NDUFS4: variants seen among roughly 807,000 people sequenced by gnomAD.
NDUFS4 encodes the protein NADH dehydrogenase [ubiquinone] iron-sulfur protein 4, mitochondrial.
NDUFS4 carries 28 observed loss-of-function variants against 24.3 expected under a neutral mutation model. The ratio of observed to expected loss-of-function variants is 1.15; its 90% CI spans 0.85 to 1.58. The LOEUF (loss-of-function observed/expected upper bound fraction) is 1.58, where lower values mean the gene tolerates loss of function less well. Ranked by LOEUF, NDUFS4 falls within the 40% of genes most tolerant of loss-of-function variation. NDUFS4 has a pLI of 0.00. For synonymous variants in NDUFS4, 93 were observed against 69.7 expected (o/e 1.34, Z -1.67); for missense variants, 223 against 207.9 (o/e 1.07, Z -0.45).
At chr5:53,631,166 C>G (rs1751398514) in intron 2 of NDUFS4, among the ~76,000 whole-genome samples, 1 of 152,184 alleles carries the variant, frequency 6.6e-6, no homozygotes, top group African/African-American at 2.4e-5. Flanking sequence ...TTGGAGTTTG[C>G]TGGAGGTCCA....
intron 1 of NDUFS4, among the ~76,000 whole-genome samples, chr5:53,571,954 A>C (rs776469749): frequency 4.6e-5 from 7 of 152,234 alleles, no homozygotes; most frequent in African/African-American, 9.6e-5. Context: ...GAAAAAATAT[A>C]TCTCTCTAGG....
At chr5:53,584,053 T>A (rs1157848014) in intron 1 of NDUFS4, among the ~76,000 whole-genome samples, 1 of 152,236 alleles carries the variant, frequency 6.6e-6, no homozygotes, top group Non-Finnish European at 1.5e-5. Context: ...ACAGTCCTGC[T>A]GCATCTCACT....
At chr5:53,613,380 C>T (rs1579873555) in intron 2 of NDUFS4, among the ~76,000 whole-genome samples, 2 of 152,082 alleles carry the variant, frequency 1.3e-5, no homozygotes, top group Middle Eastern at 3.4e-3. Context: ...TTTCATTTTA[C>T]ATCAAAGAAT....
intron 2 of NDUFS4, among the ~76,000 whole-genome samples, chr5:53,614,685 A>G (rs982027891): frequency 7.9e-5 from 12 of 152,138 alleles, no homozygotes; most frequent in Admixed American, 2.6e-4. Context: ...GTGCTGTATA[A>G]CAGTTCTCCA....
chr5:53,591,780 G>T (rs1294863491), intron 1 of NDUFS4, among the ~76,000 whole-genome samples: 2 of 152,124 alleles, frequency 1.3e-5, no homozygotes, highest in African/African-American at 4.8e-5. Context: ...TAGGTGTGTA[G>T]CACTGTCATT....
At chr5:53,604,796 C>T in intron 2 of NDUFS4, 1 of 456,252 alleles carries the variant, frequency 2.2e-6, no homozygotes, top group Non-Finnish European at 4.4e-6. Context: ...TACTCTTTTT[C>T]CTGCTTCAAG....
At chr5:53,651,155 G>A (rs963062782) in intron 3 of NDUFS4, among the ~76,000 whole-genome samples, 17 of 151,908 alleles carry the variant, frequency 1.1e-4, no homozygotes, top group Non-Finnish European at 2.1e-4. Flanking sequence ...TTGTTCTGGT[G>A]TTAACAACCA....
At chr5:53,578,230 G>A (rs1749447150) in intron 1 of NDUFS4, among the ~76,000 whole-genome samples, 1 of 152,128 alleles carries the variant, frequency 6.6e-6, no homozygotes, top group South Asian at 2.1e-4. Context: ...GAAGTCCATG[G>A]TTTATGTCTG....
intron 2 of NDUFS4, among the ~76,000 whole-genome samples, chr5:53,642,621 T>G (rs1751736507): frequency 6.6e-6 from 1 of 152,020 alleles, no homozygotes; most frequent in Admixed American, 6.6e-5. Flanking sequence ...AAAAAAAAAG[T>G]TGAAATCACA....
At chr5:53,593,950 TA>T (rs1750053951) in intron 1 of NDUFS4, among the ~76,000 whole-genome samples, 1 of 152,118 alleles carries the variant, frequency 6.6e-6, no homozygotes, top group African/African-American at 2.4e-5. Context: ...AGGTATGTTT[TA>T]TGTCCCAGAA....
At chr5:53,664,915 A>G (rs981206063) in intron 4 of NDUFS4, among the ~76,000 whole-genome samples, 1 of 151,948 alleles carries the variant, frequency 6.6e-6, no homozygotes, top group Non-Finnish European at 1.5e-5. Flanking sequence ...TGATTTTTAG[A>G]GTTTCCAGTA....
intron 1 of NDUFS4, among the ~76,000 whole-genome samples, chr5:53,581,998 T>G (rs1192098861): frequency 6.6e-6 from 1 of 151,912 alleles, no homozygotes; most frequent in Non-Finnish European, 1.5e-5. Flanking sequence ...GATCATGAGG[T>G]CAGGAGATTG....
chr5:53,605,675 C>T lies in NDUFS4; in HGVS notation c.177+2145C>T, dbSNP rs79844526. On this transcript the variant is annotated intron_variant, in intron 2 of 4. Coordinates refer to ENST00000296684, the MANE Select transcript of NDUFS4 (RefSeq NM_002495.4). ...AGGACTCCCCTCAAGTACCAAAATC[C>T]GTGGATGCTTAAGACCTGTGTTAGA... Among the ~76,000 whole-genome samples the T allele has an allele frequency of 7.3e-3, 1,110 of 152,164 alleles. 12 individuals are homozygous for T. Among genetic ancestry groups the T allele is most frequent in the Non-Finnish European group, 8.4e-3 (572 of 68,004 alleles).
chr5:53,592,087 T>C (rs1300862469), intron 1 of NDUFS4, among the ~76,000 whole-genome samples: 2 of 151,934 alleles, frequency 1.3e-5, no homozygotes, highest in Admixed American at 6.6e-5. Context: ...TACAGGCACG[T>C]GCCACCATGC....
At chr5:53,585,004 G>GTGATC (rs1338296610) in intron 1 of NDUFS4, among the ~76,000 whole-genome samples, 26 of 152,298 alleles carry the variant, frequency 1.7e-4, no homozygotes, top group African/African-American at 6.0e-4. Context: ...CTGACCTCAA[G>GTGATC]TGATCTACCC....
rs70983366 is a variant in NDUFS4, at chr5:53,619,486, CAA to C, written c.177+15977_177+15978del. On this transcript the variant is annotated intron_variant, in intron 2 of 4. Transcript: ENST00000296684. ...TGGGTGACACAGCAAGACTCTGTCT[CAA>C]AAAAAAAAAAAAAAAAAAAACACAT... 1.7e-3 allele frequency among the ~76,000 whole-genome samples: 84 copies of C among 49,076 alleles called. 1 individual carries two copies. Among genetic ancestry groups the C allele is most frequent in the South Asian group, 4.0e-3 (4 of 1,004 alleles). 32.2% of individuals were successfully genotyped at this position (49,076 alleles called of 152,430 possible).
chr5:53,586,329 C>CAAAAA (rs539748080), intron 1 of NDUFS4, among the ~76,000 whole-genome samples: 2 of 69,906 alleles, frequency 2.9e-5, no homozygotes, highest in Non-Finnish European at 5.8e-5. Flanking sequence ...AACTTCATCT[C>CAAAAA]AAAAAAAAAA....
intron 1 of NDUFS4, among the ~76,000 whole-genome samples, chr5:53,587,077 G>A (rs1749781752): frequency 6.6e-6 from 1 of 152,038 alleles, no homozygotes; most frequent in Admixed American, 6.5e-5. Flanking sequence ...GCCTGCCTCG[G>A]CGTCTCAAAG....
chr5:53,606,960 G>A (rs181408463), intron 2 of NDUFS4, among the ~76,000 whole-genome samples: 1 of 152,150 alleles, frequency 6.6e-6, no homozygotes, highest in African/African-American at 2.4e-5. Context: ...ATATTGTACT[G>A]TTTAGAGAAT....
Sources: gnomAD v4.1 joint callset for allele counts (sites outside exome capture counted in the v4.1 genomes callset) on GRCh38, gnomAD v4.1.1 for gene constraint, MANE v1.5 for transcripts, NCBI Gene and HGNC (gene_info 2026-07-23, HGNC 2026-07-21) for gene names.